The following PLS1 variants were observed in gnomAD, a reference collection of about 807,000 sequenced individuals.
PLS1 encodes the protein plastin-1.
In PLS1, 32 loss-of-function variants were observed where a neutral mutation model predicts 73.7. The observed-to-expected ratio is 0.43, with a 90% confidence interval of 0.33 to 0.58. The LOEUF is 0.58. Among genes scored for constraint, PLS1 ranks in the 20% least tolerant of loss-of-function variants. The pLI, the probability that PLS1 is intolerant of heterozygous loss-of-function variation, is 0.04. For synonymous variants in PLS1, 217 were observed against 261.3 expected, an observed-to-expected ratio of 0.83 and a Z score of 1.63; for missense variants, 633 against 740.5, an observed-to-expected ratio of 0.85 and a Z score of 1.68.
chr3:142,706,903 G>A (rs923652569), intron 14 of PLS1, among the ~76,000 whole-genome samples: 1 of 152,118 alleles, frequency 6.6e-6, no homozygotes, highest in African/African-American at 2.4e-5. Flanking sequence ...CCTGGAAAAG[G>A]TGATGAGTTC....
chr3:142,663,383 C>T (rs2037412688), intron 1 of PLS1, among the ~76,000 whole-genome samples: 1 of 152,114 alleles, frequency 6.6e-6, no homozygotes, highest in Admixed American at 6.6e-5. Context: ...TTTCCTATAG[C>T]CCAGTTTTAC....
chr3:142,672,339 CTTTTTTT>C (rs58039666), intron 4 of PLS1, among the ~76,000 whole-genome samples: 2 of 118,398 alleles, frequency 1.7e-5, no homozygotes, highest in African/African-American at 6.7e-5. Flanking sequence ...ATGAAGTGTA[CTTTTTTT>C]TTTTTTTTTT....
At chr3:142,687,868 A>G (rs1485255559) in intron 9 of PLS1, among the ~76,000 whole-genome samples, 1 of 152,042 alleles carries the variant, frequency 6.6e-6, no homozygotes, top group African/African-American at 2.4e-5. Context: ...TGACATTTCC[A>G]CTTGCCTCAT....
chr3:142,683,711 G>A (rs1292368985), intron 6 of PLS1, among the ~76,000 whole-genome samples: 2 of 152,130 alleles, frequency 1.3e-5, no homozygotes, highest in African/African-American at 2.4e-5. Context: ...ATCATGTTGA[G>A]TTTGAGGTAT....
chr3:142,608,428 G>A (rs1232892128), intron 1 of PLS1, among the ~76,000 whole-genome samples: 1 of 152,152 alleles, frequency 6.6e-6, no homozygotes, highest in Non-Finnish European at 1.5e-5. Context: ...TAGTACTATG[G>A]CAGCAAGCAT....
intron 10 of PLS1, among the ~76,000 whole-genome samples, chr3:142,694,141 G>A (rs2038144313): frequency 6.6e-6 from 1 of 151,868 alleles, no homozygotes; most frequent in Admixed American, 6.6e-5. Flanking sequence ...TTAATGTTTA[G>A]TGAATCCCTT....
chr3:142,711,407 A>G (rs1933119342), intron 14 of PLS1, 94 bp from the exon 15 acceptor site: 21 of 848,620 alleles, frequency 2.5e-5, no homozygotes, highest in Middle Eastern at 7.3e-4. Flanking sequence ...AAGAATTTGT[A>G]GATTGCCTTC....
At chr3:142,669,988 C>T (rs572669913) in intron 3 of PLS1, among the ~76,000 whole-genome samples, 8 of 152,096 alleles carry the variant, frequency 5.3e-5, no homozygotes, top group Non-Finnish European at 1.0e-4. Flanking sequence ...TGATTCCTGT[C>T]TTCATGGAGT....
At chr3:142,707,688 C>T (rs1370738669) in intron 14 of PLS1, among the ~76,000 whole-genome samples, 1 of 152,200 alleles carries the variant, frequency 6.6e-6, no homozygotes, top group Non-Finnish European at 1.5e-5. Flanking sequence ...ATATTCAAAG[C>T]TTGCCCTGTG....
chr3:142,610,322 G>A (rs1248643010), intron 1 of PLS1, among the ~76,000 whole-genome samples: 1 of 152,266 alleles, frequency 6.6e-6, no homozygotes, highest in Non-Finnish European at 1.5e-5. Context: ...CTAGAAACCA[G>A]ATTGTCACTA....
chr3:142,618,694 C>T (rs1158933670), intron 1 of PLS1, among the ~76,000 whole-genome samples: 1 of 152,164 alleles, frequency 6.6e-6, no homozygotes, highest in East Asian at 1.9e-4. Flanking sequence ...ATCTTCATAG[C>T]CAGCGACAGT....
chr3:142,598,977 G>A (rs577898374), intron 1 of PLS1, among the ~76,000 whole-genome samples: 1 of 151,880 alleles, frequency 6.6e-6, no homozygotes, highest in African/African-American at 2.4e-5. Context: ...CTCCAGCATG[G>A]GCGACAGTGC....
intron 14 of PLS1, among the ~76,000 whole-genome samples, chr3:142,709,145 A>G (rs1166539553): frequency 6.6e-6 from 1 of 152,248 alleles, no homozygotes; most frequent in Non-Finnish European, 1.5e-5. Context: ...TTTAGAAAGT[A>G]TAATACAGTA....
intron 14 of PLS1, among the ~76,000 whole-genome samples, chr3:142,708,495 C>T (rs1387668607): frequency 6.6e-6 from 1 of 152,244 alleles, no homozygotes; most frequent in Non-Finnish European, 1.5e-5. Context: ...ATCTGCCTGC[C>T]TTGGCCTCCC....
chr3:142,703,576 G>A (rs1345246245), intron 12 of PLS1, among the ~76,000 whole-genome samples: 4 of 152,122 alleles, frequency 2.6e-5, no homozygotes, highest in Non-Finnish European at 4.4e-5. Flanking sequence ...GATTACAGGC[G>A]TAAGCGACCA....
chr3:142,674,244 T>A (rs971906030), intron 4 of PLS1, among the ~76,000 whole-genome samples: 2 of 152,204 alleles, frequency 1.3e-5, no homozygotes, highest in Middle Eastern at 3.2e-3. Context: ...GATCTCTGAA[T>A]TCCTAGACTC....
At chr3:142,626,880 C>T (rs2036441359) in intron 1 of PLS1, among the ~76,000 whole-genome samples, 2 of 152,198 alleles carry the variant, frequency 1.3e-5, no homozygotes, top group Admixed American at 1.3e-4. Context: ...CATGTACAAA[C>T]TGTAGAACAT....
chr3:142,676,414 T>A lies in PLS1; in HGVS notation c.497+125T>A, dbSNP rs1360227373. On this transcript the variant is annotated intron_variant, in intron 5 of 15. Transcript: ENST00000457734. Reference sequence around the variant, plus strand: ...CAGTAGCTACTTAGGTCATGAGGAATTTATATTGCATAGAAAATGAACTAC... The same window carrying A: ...CAGTAGCTACTTAGGTCATGAGGAAATTATATTGCATAGAAAATGAACTAC... 4.6e-6 allele frequency: 4 copies of A among 864,560 alleles called. No individual in the cohort carries two copies. In the African/African-American group the frequency reaches 5.1e-5, roughly 11 times the overall value. 53.6% of individuals were successfully genotyped at this position (864,560 alleles called of 1,614,324 possible).
chr3:142,638,673 C>A (rs757376503), intron 1 of PLS1, among the ~76,000 whole-genome samples: 1 of 152,102 alleles, frequency 6.6e-6, no homozygotes, highest in Non-Finnish European at 1.5e-5. Flanking sequence ...GATGAATTCC[C>A]AGGCCTCAAA....
Sources: allele counts gnomAD v4.1 joint callset (sites outside exome capture counted in the v4.1 genomes callset), GRCh38; gene constraint gnomAD v4.1.1; transcripts MANE v1.5; gene names NCBI Gene and HGNC (gene_info 2026-07-23, HGNC 2026-07-21).